The following FBXL17 variants were observed in gnomAD, a reference collection of about 807,000 sequenced individuals.
The protein encoded by FBXL17 is F-box/LRR-repeat protein 17.
FBXL17 carries 22 observed loss-of-function variants against 66.2 expected under a neutral mutation model. The observed-to-expected ratio is 0.33, with a 90% CI of 0.24 to 0.47. The LOEUF is 0.47. Ranked by LOEUF, FBXL17 falls within the 20% of genes least tolerant of loss-of-function variation. The probability of loss-of-function intolerance (pLI) is 1.00; values close to 1 mark genes in which losing one functional copy is unlikely to be tolerated. For missense variants in FBXL17, 878 were observed against 948.2 expected, an observed-to-expected ratio of 0.93 and a Z score of 0.97; for synonymous variants, 474 against 400.5, an observed-to-expected ratio of 1.18 and a Z score of -2.19.
rs1754370167 is a variant in FBXL17, at chr5:108,211,512, G to A, written c.1614+12609C>T. Among the ~76,000 whole-genome samples, 3 of 152,258 alleles carry A rather than the reference G, an allele frequency of 2.0e-5. No homozygotes were observed. In the South Asian group the frequency reaches 6.2e-4, roughly 32 times the overall value. On this transcript the variant is annotated intron_variant, in intron 5 of 8. Transcript: ENST00000542267. The stretch of plus-strand genomic sequence containing the variant: ...TGCTTCTTTCAGGAGCTGTTGTAAC[G>A]CAGGCCTGGTGGTGACAAAATCTCT...
chr5:108,094,607 T>C (rs1480433069), intron 6 of FBXL17, among the ~76,000 whole-genome samples: 1 of 152,150 alleles, frequency 6.6e-6, no homozygotes, highest in Non-Finnish European at 1.5e-5. Context: ...AAAACAGGTC[T>C]GTGGACAAAT....
chr5:108,271,670 T>G (rs894719689), intron 4 of FBXL17, among the ~76,000 whole-genome samples: 26 of 152,198 alleles, frequency 1.7e-4, no homozygotes, highest in Admixed American at 1.2e-3. Flanking sequence ...TGAAGCAACA[T>G]GCTCAGAAAG....
intron 4 of FBXL17, among the ~76,000 whole-genome samples, chr5:108,345,948 TTGAC>T (rs1747250598): frequency 6.6e-6 from 1 of 152,144 alleles, no homozygotes; most frequent in South Asian, 2.1e-4. Flanking sequence ...GCAAAATAAT[TTGAC>T]TGATTATCAG....
At chr5:108,302,121 C>T (rs1257909849) in intron 4 of FBXL17, 2 of 594,320 alleles carry the variant, frequency 3.4e-6, no homozygotes, top group Non-Finnish European at 4.2e-6. Context: ...GCTACTTTTT[C>T]TGAAAATACA....
intron 6 of FBXL17, among the ~76,000 whole-genome samples, chr5:108,173,603 C>T (rs960561974): frequency 2.6e-5 from 4 of 152,122 alleles, no homozygotes; most frequent in Admixed American, 1.3e-4. Flanking sequence ...GTCTTTAATA[C>T]AATACAACCT....
intron 4 of FBXL17, among the ~76,000 whole-genome samples, chr5:108,293,071 G>A (rs561083912): frequency 2.3e-5 from 3 of 131,518 alleles, no homozygotes; most frequent in Non-Finnish European, 3.1e-5. Context: ...CTGGGCAACA[G>A]AGCAAGACTC....
intron 7 of FBXL17, among the ~76,000 whole-genome samples, chr5:107,939,419 T>G (rs972953276): frequency 2.0e-5 from 3 of 152,092 alleles, no homozygotes; most frequent in African/African-American, 7.2e-5. Context: ...CAATCTTCTT[T>G]CTTTTCCTTT....
intron 6 of FBXL17, among the ~76,000 whole-genome samples, chr5:108,070,832 G>C (rs147521003): frequency 6.6e-6 from 1 of 152,214 alleles, no homozygotes; most frequent in East Asian, 1.9e-4. Context: ...CCTAAACCCA[G>C]AATACCCACT....
At chr5:108,279,980 G>A (rs1386986908) in intron 4 of FBXL17, among the ~76,000 whole-genome samples, 11 of 152,028 alleles carry the variant, frequency 7.2e-5, no homozygotes, top group Admixed American at 7.2e-4. Flanking sequence ...GGGACAATGT[G>A]AAGCAACTGA....
At chr5:108,189,531 TG>T (rs947925606) in intron 5 of FBXL17, among the ~76,000 whole-genome samples, 1 of 152,072 alleles carries the variant, frequency 6.6e-6, no homozygotes, top group African/African-American at 2.4e-5. Context: ...TAAACAGGTA[TG>T]GTAGGCAAAA....
intron 7 of FBXL17, among the ~76,000 whole-genome samples, chr5:107,965,314 T>C (rs1752081954): frequency 1.3e-5 from 2 of 152,170 alleles, no homozygotes; most frequent in South Asian, 2.1e-4. Context: ...ACAACGCTTG[T>C]ATGTTTGGAA....
At chr5:108,373,299 T>TATATATCTAAATATATTAATATAAATATA (rs1429641441) in intron 1 of FBXL17, among the ~76,000 whole-genome samples, 1 of 142,752 alleles carries the variant, frequency 7.0e-6, no homozygotes, top group African/African-American at 2.6e-5. Flanking sequence ...ATAAATATAA[T>TATATATCTAAATATATTAATATAAATATA]ATATATCTAA....
chr5:108,365,027 T>C (rs1343569793), intron 2 of FBXL17, 32 bp from the exon 3 acceptor site: 3 of 1,525,544 alleles, frequency 2.0e-6, no homozygotes, highest in Non-Finnish European at 2.7e-6. Context: ...ATTTAAACTT[T>C]TGCTAAAAAT....
chr5:108,106,118 G>A (rs2149946642), intron 6 of FBXL17, among the ~76,000 whole-genome samples: 1 of 152,254 alleles, frequency 6.6e-6, no homozygotes, highest in Admixed American at 6.5e-5. Flanking sequence ...TAAGTTTAGG[G>A]CTCTTTCTAC....
intron 6 of FBXL17, among the ~76,000 whole-genome samples, chr5:108,104,865 G>T (rs1286961421): frequency 6.6e-6 from 1 of 152,070 alleles, no homozygotes; most frequent in East Asian, 1.9e-4. Context: ...TTTTGAGATG[G>T]AGTCTCGCTC....
intron 3 of FBXL17, among the ~76,000 whole-genome samples, chr5:108,355,626 C>T (rs1747939728): frequency 6.6e-6 from 1 of 151,998 alleles, no homozygotes; most frequent in African/African-American, 2.4e-5. Flanking sequence ...ATTTTCACTA[C>T]CTGTGATGCA....
intron 4 of FBXL17, among the ~76,000 whole-genome samples, chr5:108,260,456 A>T (rs959517958): frequency 6.6e-6 from 1 of 152,164 alleles, no homozygotes; most frequent in African/African-American, 2.4e-5. Flanking sequence ...TCTACCTATT[A>T]AAGAAATACA....
chr5:108,096,126 A>C (rs143064126), intron 6 of FBXL17, among the ~76,000 whole-genome samples: 9 of 152,338 alleles, frequency 5.9e-5, no homozygotes, highest in Admixed American at 5.2e-4. Flanking sequence ...GTGAATGATT[A>C]CTGCAACACA....
chr5:108,321,911 A>G (rs1236982006), intron 4 of FBXL17, among the ~76,000 whole-genome samples: 1 of 151,966 alleles, frequency 6.6e-6, no homozygotes, highest in Non-Finnish European at 1.5e-5. Flanking sequence ...GGACACAGTT[A>G]CAGAAAAAGA....
Sources: allele counts gnomAD v4.1 joint callset (sites outside exome capture counted in the v4.1 genomes callset), GRCh38; gene constraint gnomAD v4.1.1; transcripts MANE v1.5; gene names NCBI Gene and HGNC (gene_info 2026-07-23, HGNC 2026-07-21).